The following HACL2 variants were observed in gnomAD, a reference collection of about 807,000 sequenced individuals.
The protein encoded by HACL2 is 2-hydroxyacyl-CoA lyase 2, also known as 2-hydroxyacyl-CoA lyase 1 like.
the HACL2 span, among the ~76,000 whole-genome samples, chr19:15,118,319 C>T: frequency 6.6e-6 from 1 of 152,320 alleles, no homozygotes; most frequent in African/African-American, 2.4e-5. Flanking sequence ...GAGGTGCAGC[C>T]TAGGTCCCCT....
At chr19:15,123,282 T>C in the HACL2 span, 1 of 1,609,238 alleles carries the variant, frequency 6.2e-7, no homozygotes, top group Non-Finnish European at 8.5e-7. The surrounding 1 kb of genome is among the most constrained non-coding windows in gnomAD (Gnocchi z 5.1). Context: ...CCCACTCTCT[T>C]GGCCATTCTT....
At chr19:15,122,352 A>AG in the HACL2 span, among the ~76,000 whole-genome samples, 3 of 152,090 alleles carry the variant, frequency 2.0e-5, no homozygotes, top group Non-Finnish European at 2.9e-5. This position sits in a 1 kb window ranked among gnomAD's most constrained non-coding sequence, Gnocchi z 4.0. Flanking sequence ...ACGATGGGAA[A>AG]GGTGGTGGGG....
the HACL2 span, chr19:15,122,958 G>C: frequency 3.1e-6 from 5 of 1,604,154 alleles, no homozygotes; most frequent in African/African-American, 1.3e-5. The surrounding 1 kb of genome is among the most constrained non-coding windows in gnomAD (Gnocchi z 4.0). Context: ...CGCACCCTCC[G>C]CACAGACACA....
chr19:15,118,380 C>T, the HACL2 span, among the ~76,000 whole-genome samples: 1 of 152,178 alleles, frequency 6.6e-6, no homozygotes, highest in Non-Finnish European at 1.5e-5. Context: ...TATGCAGTTT[C>T]TTCCTTGTTC....
the HACL2 span, chr19:15,115,770 T>C: frequency 2.6e-6 from 4 of 1,565,464 alleles, no homozygotes; most frequent in African/African-American, 1.4e-5. Context: ...GAGAGGAGGC[T>C]CCCTCCCCAC....
chr19:15,118,025 G>A, the HACL2 span: 10 of 1,613,866 alleles, frequency 6.2e-6, no homozygotes, highest in East Asian at 2.2e-5. Flanking sequence ...CCTGGTGTGG[G>A]GGACAGGAAT....
the HACL2 span, chr19:15,115,077 C>A: frequency 1.4e-6 from 1 of 725,212 alleles, no homozygotes; most frequent in South Asian, 1.6e-5. Flanking sequence ...GAGGAGGGTC[C>A]AAGAGCTCAC....
At chr19:15,124,819 CG>C in the HACL2 span, 3 of 1,437,736 alleles carry the variant, frequency 2.1e-6, no homozygotes, top group Non-Finnish European at 2.8e-6. Flanking sequence ...CTGGACTAGT[CG>C]GGGCTCGCTT....
At chr19:15,123,518 T>C in the HACL2 span, 13 of 1,613,834 alleles carry the variant, frequency 8.1e-6, no homozygotes, top group Non-Finnish European at 9.3e-6. The surrounding 1 kb of genome is among the most constrained non-coding windows in gnomAD (Gnocchi z 5.1). Flanking sequence ...CCGCACACCA[T>C]GGGCCCTCAG....
At chr19:15,119,303 C>T in the HACL2 span, 1 of 1,603,620 alleles carries the variant, frequency 6.2e-7, no homozygotes, top group Non-Finnish European at 8.5e-7. Context: ...CACGGCAGCC[C>T]TGGGAGTCCA....
the HACL2 span, chr19:15,123,550 G>A: frequency 9.9e-6 from 16 of 1,614,004 alleles, no homozygotes; most frequent in South Asian, 1.1e-4. This position sits in a 1 kb window ranked among gnomAD's most constrained non-coding sequence, Gnocchi z 5.1. Context: ...CGTTCTCTCC[G>A]CCATGCCGGA....
the HACL2 span, among the ~76,000 whole-genome samples, chr19:15,118,284 C>A: frequency 6.6e-6 from 1 of 152,212 alleles, no homozygotes; most frequent in Non-Finnish European, 1.5e-5. Context: ...TGTACAAGGT[C>A]ACCTTGACAT....
chr19:15,123,562 G>A, the HACL2 span: 380 of 1,613,950 alleles, frequency 2.4e-4, 3 homozygotes, highest in South Asian at 3.4e-3. The surrounding 1 kb of genome is among the most constrained non-coding windows in gnomAD (Gnocchi z 5.1). Flanking sequence ...CATGCCGGAC[G>A]CTTGCCTTGT....
the HACL2 span, chr19:15,117,989 A>G: frequency 6.2e-7 from 1 of 1,614,178 alleles, no homozygotes; most frequent in Non-Finnish European, 8.5e-7. Flanking sequence ...ACACGGCCAT[A>G]GGATAGGCGG....
chr19:15,115,614 G>T, the HACL2 span: 1 of 1,613,912 alleles, frequency 6.2e-7, no homozygotes, highest in South Asian at 1.1e-5. Context: ...GAGGGCACCT[G>T]CTCCCGAGAA....
the HACL2 span, chr19:15,117,690 A>C: frequency 3.0e-5 from 17 of 570,556 alleles, no homozygotes; most frequent in Admixed American, 1.6e-4. Context: ...AAAAAATAAA[A>C]ATAAAAAAAA....
At chr19:15,121,145 G>A in the HACL2 span, among the ~76,000 whole-genome samples, 1 of 152,088 alleles carries the variant, frequency 6.6e-6, no homozygotes, top group Admixed American at 6.5e-5. Flanking sequence ...TGTATTCCCA[G>A]CTACTCCGGG....
chr19:15,124,742 G>A, the HACL2 span: 9 of 825,794 alleles, frequency 1.1e-5, no homozygotes, highest in Non-Finnish European at 1.6e-5. Context: ...CAGTGGCAAA[G>A]TCCAGGCCTC....
the HACL2 span, among the ~76,000 whole-genome samples, chr19:15,119,712 G>A: frequency 1.3e-5 from 2 of 152,100 alleles, no homozygotes; most frequent in Non-Finnish European, 2.9e-5. Context: ...CACCATGCCT[G>A]GCTAACTTTT....
Sources: allele counts gnomAD v4.1 joint callset (sites outside exome capture counted in the v4.1 genomes callset), GRCh38; gene constraint gnomAD v4.1.1; non-coding constraint Gnocchi (gnomAD v3.1); transcripts MANE v1.5; gene names NCBI Gene and HGNC (gene_info 2026-07-23, HGNC 2026-07-21).